The following CRYBG1 variants were observed in gnomAD, a reference collection of about 807,000 sequenced individuals.
CRYBG1 encodes crystallin beta-gamma domain containing 1, also known as beta/gamma crystallin domain-containing protein 1.
CRYBG1 carries 139 observed loss-of-function variants against 189.2 expected under a neutral mutation model. The observed-to-expected ratio is 0.73, with a 90% CI of 0.64 to 0.85. CRYBG1 has a LOEUF of 0.85. Among genes scored for constraint, CRYBG1 ranks in the 40% least tolerant of loss-of-function variants. CRYBG1 has a pLI of 0.00. For synonymous variants in CRYBG1, 1,023 were observed against 1,017.1 expected (o/e 1.01, Z -0.11); for missense variants, 2,611 against 2,675.8 (o/e 0.98, Z 0.53).
At chr6:106,449,675 G>C (rs914054331) in intron 1 of CRYBG1, among the ~76,000 whole-genome samples, 2 of 152,118 alleles carry the variant, frequency 1.3e-5, no homozygotes, top group African/African-American at 4.8e-5. Context: ...TTTTTCAGTT[G>C]TTACTTAAAT....
At chr6:106,391,777 A>G (rs965179573) in intron 1 of CRYBG1, among the ~76,000 whole-genome samples, 1 of 152,124 alleles carries the variant, frequency 6.6e-6, no homozygotes, top group African/African-American at 2.4e-5. Flanking sequence ...CCTGATATAA[A>G]CTATACTGAA....
intron 2 of CRYBG1, among the ~76,000 whole-genome samples, chr6:106,475,437 G>T (rs900723858): frequency 2.6e-5 from 4 of 152,278 alleles, no homozygotes; most frequent in East Asian, 3.9e-4. Flanking sequence ...AGTCAGGGAG[G>T]GCTCCTGGGC....
chr6:106,557,352 C>G (rs1053409803), intron 17 of CRYBG1, among the ~76,000 whole-genome samples: 1 of 152,086 alleles, frequency 6.6e-6, no homozygotes, highest in Non-Finnish European at 1.5e-5. Context: ...GGTACCGCAC[C>G]CTTTCCACAA....
intron 4 of CRYBG1, among the ~76,000 whole-genome samples, chr6:106,522,924 C>T (rs147548915): frequency 1.3e-5 from 2 of 151,962 alleles, no homozygotes; most frequent in Non-Finnish European, 2.9e-5. Context: ...GTGTTAGGAC[C>T]CTTTATGTTT....
At chr6:106,361,110 C>T (rs1414280220) in intron 1 of CRYBG1, 29 bp downstream of exon 1, 5 of 1,528,680 alleles carry the variant, frequency 3.3e-6, no homozygotes, top group East Asian at 2.5e-5. Context: ...CCCTCCAGTC[C>T]CACCTCCTCC....
chr6:106,566,900 G>A (rs1774904841), intron 21 of CRYBG1, among the ~76,000 whole-genome samples: 1 of 152,116 alleles, frequency 6.6e-6, no homozygotes, highest in South Asian at 2.1e-4. Context: ...ATCTTCTTGT[G>A]TTTGGGAAAT....
chr6:106,529,025 C>T (rs1416946675), intron 7 of CRYBG1, among the ~76,000 whole-genome samples: 6 of 151,800 alleles, frequency 4.0e-5, no homozygotes, highest in African/African-American at 1.2e-4. Context: ...CTCACTGCAA[C>T]TTCTGCCTCC....
intron 1 of CRYBG1, among the ~76,000 whole-genome samples, chr6:106,436,988 T>C (rs779397861): frequency 2.6e-5 from 4 of 151,738 alleles, no homozygotes; most frequent in Non-Finnish European, 5.9e-5. Flanking sequence ...GGTGTAGTGG[T>C]GCACACCTGT....
chr6:106,511,435 A>G lies in CRYBG1; in HGVS notation c.318A>G (p.Arg106=). Residue 106 remains arginine, a synonymous_variant, in exon 3 of 22, where the codon AGA becomes AGG. Coordinates refer to ENST00000633556, the MANE Select transcript of CRYBG1 (RefSeq NM_001371242.2). ...LLESGIFKKS[R]AQPPEDNRRK... is the part of the protein sequence containing the mutation. ...TCATCCCTTTTATTTTTCAGTCCAG[A>G]GCACAACCTCCAGAAGACAACAGAA... The G allele has an allele frequency of 6.5e-7, 1 of 1,535,010 alleles. No homozygotes were observed. Among genetic ancestry groups the G allele is most frequent in the Non-Finnish European group, 8.7e-7 (1 of 1,146,274 alleles).
At chr6:106,502,412 T>A (rs1313026859) in intron 2 of CRYBG1, among the ~76,000 whole-genome samples, 1 of 152,212 alleles carries the variant, frequency 6.6e-6, no homozygotes, top group African/African-American at 2.4e-5. Flanking sequence ...AAATTTTAGT[T>A]AGGAACTAAC....
intron 1 of CRYBG1, among the ~76,000 whole-genome samples, chr6:106,389,121 C>T (rs986773713): frequency 1.6e-4 from 25 of 152,018 alleles, no homozygotes; most frequent in African/African-American, 5.3e-4. Flanking sequence ...TTTATAGTTT[C>T]CTCTGTGACT....
chr6:106,564,986 A>G (rs958458235), intron 21 of CRYBG1, among the ~76,000 whole-genome samples: 6 of 152,176 alleles, frequency 3.9e-5, no homozygotes. Flanking sequence ...TTTTACTTTA[A>G]TCAGGGATTT....
intron 1 of CRYBG1, among the ~76,000 whole-genome samples, chr6:106,363,095 T>G: frequency 6.6e-6 from 1 of 150,682 alleles, no homozygotes; most frequent in Admixed American, 6.6e-5. Context: ...AATACAAAAA[T>G]TAGCCGGGCA....
intron 4 of CRYBG1, 98 bp downstream of exon 4, chr6:106,521,551 G>C (rs1773612498): frequency 7.7e-7 from 1 of 1,302,862 alleles, no homozygotes; most frequent in Non-Finnish European, 1.0e-6. Flanking sequence ...AAATGGTTAA[G>C]CTTATGTGCT....
chr6:106,520,995 G>T lies in CRYBG1; in HGVS notation c.3787G>T (p.Val1263Phe). ...AATCTTTTCTCCTTCTGTGACATCAGTCAACACTATGACCACGGCTTTCAG... is the reference window on the plus strand; with the variant it reads ...AATCTTTTCTCCTTCTGTGACATCATTCAACACTATGACCACGGCTTTCAG... ...DKIFSPSVTS[V>F]NTMTTAFSTS... The change falls in exon 4 of 22, where the codon GTC (valine) becomes TTC (phenylalanine). Residue 1263 changes from valine to phenylalanine, a missense_variant. Physicochemically the swap from Val to Phe is conservative, Grantham distance 50 (BLOSUM62 -1). Around this residue, in one of 3 missense-constraint regions of CRYBG1, gnomAD observed 1,622 missense variants for 1,735.0 expected, o/e 0.93. Coordinates refer to ENST00000633556, the MANE Select transcript of CRYBG1 (RefSeq NM_001371242.2). 1.2e-6 allele frequency: 2 copies of T among 1,614,152 alleles called. No homozygotes were observed. Among genetic ancestry groups the T allele is most frequent in the South Asian group, 2.2e-5 (2 of 91,076 alleles).
At position 106,519,579 on chromosome 6, in the gene CRYBG1, A is replaced by ACAGTAAAG; in HGVS notation, c.2374_2375insTAAAGCAG (p.Asp792ValfsTer16). On this transcript the variant is annotated frameshift_variant, in exon 4 of 22. Transcript: ENST00000633556. LOFTEE classifies it high-confidence loss of function. ...CCAAGATGATAAAGCAGATGTACAA[A>ACAGTAAAG]CAGATGCTGGCTGCCTTTCAGAACC... 6.2e-7 allele frequency: 1 copy of ACAGTAAAG among 1,614,214 alleles called. No individual in the cohort carries two copies. Among genetic ancestry groups the ACAGTAAAG allele is most frequent in the Non-Finnish European group, 8.5e-7 (1 of 1,180,022 alleles).
chr6:106,470,985 A>G (rs1244248737), intron 2 of CRYBG1, among the ~76,000 whole-genome samples: 1 of 152,218 alleles, frequency 6.6e-6, no homozygotes, highest in Non-Finnish European at 1.5e-5. Context: ...TGGAGTCAAT[A>G]CATCATTGAA....
chr6:106,523,809 A>C (rs9486378), intron 4 of CRYBG1, among the ~76,000 whole-genome samples: 31,045 of 151,412 alleles, frequency 0.21, 3,326 homozygotes, highest in Non-Finnish European at 0.25. Flanking sequence ...AGCTCACTGC[A>C]ACCTCTCTGC....
intron 1 of CRYBG1, among the ~76,000 whole-genome samples, chr6:106,384,893 G>C (rs1770355115): frequency 1.2e-5 from 1 of 84,384 alleles, no homozygotes; most frequent in Non-Finnish European, 2.8e-5. Context: ...TTGGGGTGCA[G>C]TCTCTTTCAA....
Sources: gnomAD v4.1 joint callset for allele counts (sites outside exome capture counted in the v4.1 genomes callset) on GRCh38, gnomAD v4.1.1 for gene constraint, gnomAD v4.1.1 regional missense constraint, MANE v1.5 for transcripts, NCBI Gene and HGNC (gene_info 2026-07-23, HGNC 2026-07-21) for gene names.